The following TULP4 variants were observed in gnomAD, a reference collection of about 807,000 sequenced individuals.
The protein encoded by TULP4 is tubby-related protein 4.
A neutral mutation model predicts 129.0 loss-of-function variants in TULP4; 16 were observed. That is an observed-to-expected ratio of 0.12 (90% CI 0.08 to 0.19). The LOEUF (loss-of-function observed/expected upper bound fraction) is 0.19. TULP4 is among the 10% of genes least tolerant of loss of function. The probability of loss-of-function intolerance (pLI) is 1.00; values close to 1 mark genes in which losing one functional copy is unlikely to be tolerated. For missense variants in TULP4, 1,842 were observed against 2,059.1 expected, an observed-to-expected ratio of 0.89 and a Z score of 2.04; for synonymous variants, 998 against 854.0, an observed-to-expected ratio of 1.17 and a Z score of -2.94.
At chr6:158,499,310 G>C (rs1255208023) in intron 12 of TULP4, among the ~76,000 whole-genome samples, 2 of 152,132 alleles carry the variant, frequency 1.3e-5, no homozygotes, top group African/African-American at 4.8e-5. Flanking sequence ...GCCTTTACCT[G>C]GAACTACCTC....
At chr6:158,352,771 A>G (rs1206177436) in intron 1 of TULP4, among the ~76,000 whole-genome samples, 2 of 152,348 alleles carry the variant, frequency 1.3e-5, no homozygotes, top group East Asian at 3.8e-4. Context: ...CCCATCCATT[A>G]AAACATTGTT....
intron 11 of TULP4, 121 bp from the exon 12 acceptor site, chr6:158,498,548 C>G (rs1395320857): frequency 2.3e-6 from 3 of 1,280,880 alleles, no homozygotes; most frequent in Non-Finnish European, 3.3e-6. Flanking sequence ...GCCCTGCCTA[C>G]ACAGATCTGT....
intron 6 of TULP4, among the ~76,000 whole-genome samples, chr6:158,463,396 G>A (rs1020450067): frequency 1.2e-4 from 18 of 152,086 alleles, no homozygotes; most frequent in East Asian, 3.9e-4. Context: ...TATCAGCAGC[G>A]CGTAATAGAC....
chr6:158,415,656 G>A (rs1400537298), intron 2 of TULP4, among the ~76,000 whole-genome samples: 1 of 150,292 alleles, frequency 6.7e-6, no homozygotes, highest in Non-Finnish European at 1.5e-5. Flanking sequence ...CACTGCGCCC[G>A]GCCGCTTCTA....
At chr6:158,359,752 T>C (rs1025413585) in intron 1 of TULP4, among the ~76,000 whole-genome samples, 6 of 152,262 alleles carry the variant, frequency 3.9e-5, no homozygotes, top group Non-Finnish European at 7.4e-5. Context: ...CAAGTTGACA[T>C]TGAATATTAA....
intron 1 of TULP4, among the ~76,000 whole-genome samples, chr6:158,377,012 T>C (rs1562541165): frequency 6.6e-6 from 1 of 152,232 alleles, no homozygotes; most frequent in African/African-American, 2.4e-5. Context: ...TTCTGTTGCT[T>C]ATACCTGGAT....
At position 158,493,386 on chromosome 6, in the gene TULP4, G is replaced by A. The variant is rs1176854836; in HGVS notation, c.1632-187G>A. 6.6e-6 allele frequency among the ~76,000 whole-genome samples: 1 copy of A among 152,164 alleles called. No homozygotes were observed. The highest frequency in any genetic ancestry group is 1.5e-5 in the Non-Finnish European group (1 of 68,042). On this transcript the variant is annotated intron_variant, in intron 9 of 13. Transcript: ENST00000367097. The surrounding 1 kb of genome is among the most constrained non-coding windows in gnomAD (Gnocchi z 4.4). ...AATGTATATTATTCAATGTAAAGTT[G>A]TCATTCTTTCCTCATATTCATAAAG...
At chr6:158,348,701 T>A (rs1004109696) in intron 1 of TULP4, among the ~76,000 whole-genome samples, 1 of 152,110 alleles carries the variant, frequency 6.6e-6, no homozygotes, top group African/African-American at 2.4e-5. Flanking sequence ...TTCGGAGCTG[T>A]TGGGTACACC....
At position 158,503,351 on chromosome 6, in the gene TULP4, C is replaced by T. The variant is rs2128264807; in HGVS notation, c.3688C>T (p.Leu1230=). 1 of 1,613,762 alleles carries T rather than the reference C, an allele frequency of 6.2e-7. No homozygotes were observed. Among genetic ancestry groups the T allele is most frequent in the Non-Finnish European group, 8.5e-7 (1 of 1,179,978 alleles). ...QQEPAVVLQP[L]YPPSLSYCTL... ...GGAGCCTGCTGTGGTCCTTCAGCCG[C>T]TGTACCCACCCAGCCTCTCCTATTG... The change falls in exon 13 of 14, where the codon CTG becomes TTG. Residue 1230 remains leucine, a synonymous_variant. Transcript: ENST00000367097. This position sits in a 1 kb window ranked among gnomAD's most constrained non-coding sequence, Gnocchi z 4.3.
intron 6 of TULP4, among the ~76,000 whole-genome samples, chr6:158,473,642 C>G (rs1268223110): frequency 6.6e-6 from 1 of 152,174 alleles, no homozygotes; most frequent in East Asian, 1.9e-4. Flanking sequence ...CCTCAGCCTC[C>G]CGAGTAGCTG....
chr6:158,468,800 G>A (rs370071383), intron 6 of TULP4, among the ~76,000 whole-genome samples: 5 of 152,168 alleles, frequency 3.3e-5, no homozygotes, highest in African/African-American at 9.7e-5. Flanking sequence ...CGTCTGGTCC[G>A]CTCCATAGAT....
rs545114520 is a variant in TULP4 at position 158,284,074 on chromosome 6, C to A, written n.116+1696C>A. Among the ~76,000 whole-genome samples, 3 of 152,204 alleles carry A rather than the reference C, an allele frequency of 2.0e-5. No homozygotes were observed. In the South Asian group the frequency reaches 6.2e-4, roughly 32 times the overall value. On this transcript the variant is annotated intron_variant and non_coding_transcript_variant, in intron 1 of 1. Transcript: ENST00000432358. ...GATACAGCAAACATCCGTTAAAAGTCTTTATCAAAAGAAAGTGAGAAAAAT... is the reference window on the plus strand; with the variant it reads ...GATACAGCAAACATCCGTTAAAAGTATTTATCAAAAGAAAGTGAGAAAAAT...
intron 3 of TULP4, among the ~76,000 whole-genome samples, chr6:158,444,265 TTAA>T (rs1778980166): frequency 7.7e-6 from 1 of 129,150 alleles, no homozygotes; most frequent in African/African-American, 2.9e-5. Flanking sequence ...TTTTTTTTTT[TTAA>T]CTTTTGCCGC....
At chr6:158,451,823 A>C (rs1779166635) in intron 4 of TULP4, among the ~76,000 whole-genome samples, 1 of 152,198 alleles carries the variant, frequency 6.6e-6, no homozygotes, top group South Asian at 2.1e-4. Flanking sequence ...TCTATATGTC[A>C]TTAGAACCGT....
intron 1 of TULP4, among the ~76,000 whole-genome samples, chr6:158,261,718 G>A (rs1203783687): frequency 6.6e-6 from 1 of 152,196 alleles, no homozygotes; most frequent in African/African-American, 2.4e-5. Flanking sequence ...GTAGCGGTCT[G>A]GAGGCTGGTG....
At chr6:158,254,199 A>G (rs1009888990) in intron 1 of TULP4, among the ~76,000 whole-genome samples, 26 of 151,772 alleles carry the variant, frequency 1.7e-4, no homozygotes, top group Non-Finnish European at 2.2e-4. Flanking sequence ...CTGGAGTGCA[A>G]TGGCATGATC....
chr6:158,258,678 T>C (rs960353487), intron 1 of TULP4, among the ~76,000 whole-genome samples: 4 of 151,952 alleles, frequency 2.6e-5, no homozygotes, highest in African/African-American at 9.7e-5. Context: ...AACAAAACAA[T>C]CAAATAAAAA....
intron 1 of TULP4, among the ~76,000 whole-genome samples, chr6:158,274,264 A>G (rs1778601023): frequency 6.6e-6 from 1 of 152,016 alleles, no homozygotes; most frequent in Admixed American, 6.5e-5. Context: ...TCTCAAAAAA[A>G]CAAAAACAAA....
chr6:158,286,304 TATA>T (rs1273900287), intron 1 of TULP4, among the ~76,000 whole-genome samples: 1 of 152,248 alleles, frequency 6.6e-6, no homozygotes, highest in Non-Finnish European at 1.5e-5. Flanking sequence ...TTTGTACAGA[TATA>T]ATAATTTTCT....
Sources: allele counts gnomAD v4.1 joint callset (sites outside exome capture counted in the v4.1 genomes callset), GRCh38; gene constraint gnomAD v4.1.1; non-coding constraint Gnocchi (gnomAD v3.1); transcripts MANE v1.5; gene names NCBI Gene and HGNC (gene_info 2026-07-23, HGNC 2026-07-21).